The following GEMIN5 variants were observed in gnomAD, a reference collection of about 807,000 sequenced individuals.
The protein encoded by GEMIN5 is gem-associated protein 5.
In GEMIN5, 124 loss-of-function variants were observed where a neutral mutation model predicts 176.9. The ratio of observed to expected loss-of-function variants is 0.70; its 90% confidence interval spans 0.61 to 0.81. GEMIN5 has a LOEUF of 0.81. Among genes scored for constraint, GEMIN5 ranks in the 40% least tolerant of loss-of-function variants. GEMIN5 has a pLI of 0.00. For synonymous variants in GEMIN5, 673 were observed against 665.2 expected, an observed-to-expected ratio of 1.01 and a Z score of -0.18; for missense variants, 1,843 against 1,814.6, an observed-to-expected ratio of 1.02 and a Z score of -0.28.
chr5:154,891,055 C>CTTTTT lies in GEMIN5; in HGVS notation c.4262+181_4262+185dup, dbSNP rs548747613. 8.3e-3 allele frequency among the ~76,000 whole-genome samples: 783 copies of CTTTTT among 93,914 alleles called. 3 individuals carry two copies. The highest frequency in any genetic ancestry group is 0.011 in the Middle Eastern group (1 of 88). 61.6% of individuals were successfully genotyped at this position (93,914 alleles called of 152,430 possible). ...ACAAGCGTGATCCACTGTGCCCGGG[C>CTTTTT]TTTTTTTTTTTTTTTTTTTTTGTAG... On this transcript the variant is annotated intron_variant, in intron 26 of 27. Coordinates refer to ENST00000285873, the MANE Select transcript of GEMIN5 (RefSeq NM_015465.5).
intron 3 of GEMIN5, among the ~76,000 whole-genome samples, chr5:154,935,421 C>T (rs936177819): frequency 6.6e-6 from 1 of 152,188 alleles, no homozygotes; most frequent in African/African-American, 2.4e-5. Flanking sequence ...TGTGAAACAA[C>T]CTTGGTGATC....
At chr5:154,932,655 C>T (rs1009179538) in intron 3 of GEMIN5, among the ~76,000 whole-genome samples, 1 of 152,124 alleles carries the variant, frequency 6.6e-6, no homozygotes, top group African/African-American at 2.4e-5. Flanking sequence ...CTTGACTTCC[C>T]AGGCTCAAGC....
intron 24 of GEMIN5, among the ~76,000 whole-genome samples, chr5:154,894,320 G>C (rs1763301329): frequency 1.3e-5 from 2 of 152,164 alleles, no homozygotes; most frequent in Middle Eastern, 3.2e-3. Flanking sequence ...TCAGTTGATG[G>C]ACATTTGGGT....
Position 154,911,802 on chromosome 5 carries a change from T to G in GEMIN5, c.2092A>C (p.Ile698Leu). The G allele has an allele frequency of 6.2e-7, 1 of 1,613,864 alleles. No homozygotes were observed. The highest frequency in any genetic ancestry group is 8.5e-7 in the Non-Finnish European group (1 of 1,179,726). The change falls in exon 15 of 28, where the codon ATC becomes CTC. Residue 698 changes from isoleucine (I) to leucine (L), a missense_variant. Physicochemically the swap from Ile to Leu is conservative, Grantham distance 5. Coordinates refer to ENST00000285873, the MANE Select transcript of GEMIN5 (RefSeq NM_015465.5). ...VAWSPLDPDC[I>L]YSGADDFCVH... ...CAAAAGTCATCTGCCCCTGAATAGATGCAGTCTGGATCCAAAGGAGACCAT... is the reference window on the plus strand; with the variant it reads ...CAAAAGTCATCTGCCCCTGAATAGAGGCAGTCTGGATCCAAAGGAGACCAT...
intron 26 of GEMIN5, among the ~76,000 whole-genome samples, chr5:154,890,137 T>C (rs777235215): frequency 3.0e-4 from 45 of 152,322 alleles, no homozygotes; most frequent in Non-Finnish European, 5.1e-4. Context: ...CTTGTTCTGT[T>C]TCTCTGATAG....
In GEMIN5 at chr5:154,931,517, T is replaced by C. The variant is rs769426856; in HGVS notation, c.722A>G (p.Tyr241Cys). 7 of 1,612,822 alleles carry C rather than the reference T, an allele frequency of 4.3e-6. No individual in the cohort carries two copies. The highest frequency in any genetic ancestry group is 1.1e-5 in the South Asian group (1 of 91,038). The change falls in exon 5 of 28, where the codon TAC becomes TGC. Residue 241 changes from tyrosine (Y) to cysteine (C), a missense_variant. Tyr to Cys is a radical substitution (Grantham distance 194). Coordinates refer to ENST00000285873, the MANE Select transcript of GEMIN5 (RefSeq NM_015465.5). ...VAQAPVTKGCYLATGSKDQTI... is the reference protein window; with the variant it reads ...VAQAPVTKGCCLATGSKDQTI... ...TTGATCTTTGCTTCCAGTGGCTAAG[T>C]AGCAACCTTTTGTTACTGGAGCTTG...
At chr5:154,926,922 C>T (rs1198074100) in intron 7 of GEMIN5, among the ~76,000 whole-genome samples, 8 of 152,212 alleles carry the variant, frequency 5.3e-5, no homozygotes, top group Middle Eastern at 3.4e-3. Context: ...AGGTGATACA[C>T]GCCTGTAGTC....
intron 26 of GEMIN5, 137 bp downstream of exon 26, chr5:154,891,104 C>G (rs1051225943): frequency 1.9e-6 from 1 of 517,818 alleles, no homozygotes; most frequent in Non-Finnish European, 3.1e-6. Context: ...CTTTTTTGCC[C>G]GGGCTGGTGG....
In GEMIN5 at chr5:154,927,471, T is replaced by C. The variant is rs767274287; in HGVS notation, c.994A>G (p.Asn332Asp). 6.2e-7 allele frequency: 1 copy of C among 1,606,954 alleles called. No individual in the cohort carries two copies. Among genetic ancestry groups the C allele is most frequent in the South Asian group, 1.1e-5 (1 of 90,936 alleles). ...AAATTAAACACAATTCTTGAATGATTTTGCCCTTCTGATGAGGCACTGAAG... is the reference window on the plus strand; with the variant it reads ...AAATTAAACACAATTCTTGAATGATCTTGCCCTTCTGATGAGGCACTGAAG... ...TLFSASSEGQNHSRIVFNLCP... is the reference protein window; with the variant it reads ...TLFSASSEGQDHSRIVFNLCP... Residue 332 changes from asparagine (N) to aspartate (D), a missense_variant, in exon 7 of 28, where the codon AAT (asparagine) becomes GAT (aspartate). Physicochemically the swap from Asn to Asp is conservative, Grantham distance 23 (BLOSUM62 1). Coordinates refer to ENST00000285873, the MANE Select transcript of GEMIN5 (RefSeq NM_015465.5).
chr5:154,905,305 T>TA, intron 17 of GEMIN5, 58 bp downstream of exon 17: 2 of 752,052 alleles, frequency 2.7e-6, no homozygotes, highest in Non-Finnish European at 4.5e-6. Flanking sequence ...GCGTGTAATA[T>TA]ATGTAATATT....
intron 23 of GEMIN5, among the ~76,000 whole-genome samples, chr5:154,897,384 T>C (rs1763371813): frequency 6.6e-6 from 1 of 152,252 alleles, no homozygotes; most frequent in East Asian, 1.9e-4. Context: ...AGTGTGCCAA[T>C]GCTTTAATCT....
chr5:154,900,188 A>G (rs1763435234), intron 21 of GEMIN5, among the ~76,000 whole-genome samples: 1 of 152,190 alleles, frequency 6.6e-6, no homozygotes, highest in African/African-American at 2.4e-5. Flanking sequence ...GGAATGTGGT[A>G]TTTTTGGGTA....
intron 9 of GEMIN5, 130 bp from the exon 10 acceptor site, chr5:154,921,555 C>A: frequency 1.7e-6 from 1 of 599,098 alleles, no homozygotes. Context: ...AATAATTCAA[C>A]AATATCTTGC....
chr5:154,888,357 C>G lies in GEMIN5; in HGVS notation c.4380G>C (p.Val1460=). The G allele has an allele frequency of 6.2e-7, 1 of 1,613,900 alleles. No homozygotes were observed. Among genetic ancestry groups the G allele is most frequent in the East Asian group, 2.2e-5 (1 of 44,880 alleles). The change falls in exon 28 of 28, where the codon GTG becomes GTC. Residue 1460 remains valine, a synonymous_variant. Transcript: ENST00000285873. ...ESIKAWPFPD[V]LECCLVLLLI... is the part of the protein sequence containing the mutation. ...GAAGCAGGACGAGGCAGCACTCCAG[C>G]ACATCTGGGAAGGGCCAGGCCTGAA...
intron 16 of GEMIN5, among the ~76,000 whole-genome samples, chr5:154,906,365 CT>C (rs1763569004): frequency 6.6e-6 from 1 of 152,086 alleles, no homozygotes; most frequent in Admixed American, 6.5e-5. Flanking sequence ...CAAGGAGTTC[CT>C]ATACTTTGCT....
rs532202039 is a variant in GEMIN5 at position 154,903,964 on chromosome 5, T to C, written c.2632+543A>G. On this transcript the variant is annotated intron_variant, in intron 18 of 27. Transcript: ENST00000285873. The stretch of plus-strand genomic sequence containing the variant: ...TTATTATGTGCATCCCTTTTCCACA[T>C]GTAAACTTCAAATTTAAAAAATAAA... 3.3e-5 allele frequency among the ~76,000 whole-genome samples: 5 copies of C among 152,190 alleles called. No homozygotes were observed. The South Asian group carries it at 6.2e-4, about 19-fold the overall frequency.
intron 5 of GEMIN5, among the ~76,000 whole-genome samples, chr5:154,929,757 T>C (rs1764122708): frequency 6.6e-6 from 1 of 152,230 alleles, no homozygotes; most frequent in South Asian, 2.1e-4. Context: ...AAAAGTTCTG[T>C]CTTCCCAAAT....
At chr5:154,894,796 A>C (rs887654848) in intron 24 of GEMIN5, among the ~76,000 whole-genome samples, 7 of 152,092 alleles carry the variant, frequency 4.6e-5, no homozygotes, top group Non-Finnish European at 8.8e-5. Flanking sequence ...AATCCCAGCT[A>C]CCCGGGAGGC....
intron 25 of GEMIN5, 144 bp downstream of exon 25, chr5:154,892,243 T>A: frequency 1.5e-6 from 1 of 680,920 alleles, no homozygotes; most frequent in Non-Finnish European, 2.5e-6. Context: ...AAAGCTTCGG[T>A]AAGAGAATCC....
Sources: gnomAD v4.1 joint callset for allele counts (sites outside exome capture counted in the v4.1 genomes callset) on GRCh38, gnomAD v4.1.1 for gene constraint, MANE v1.5 for transcripts, NCBI Gene and HGNC (gene_info 2026-07-23, HGNC 2026-07-21) for gene names.